AK8: variants seen among roughly 807,000 people sequenced by gnomAD.
AK8 encodes the protein adenylate kinase 8.
Under a neutral mutation model 54.6 loss-of-function variants are expected in AK8, and 44 were observed. The ratio of observed to expected loss-of-function variants is 0.81; its 90% CI spans 0.63 to 1.04. The LOEUF (loss-of-function observed/expected upper bound fraction) is 1.04, where lower values mean the gene tolerates loss of function less well. Among genes scored for constraint, AK8 ranks in the 50% least tolerant of loss-of-function variants. AK8 has a pLI of 0.00. For synonymous variants in AK8, 239 were observed against 245.6 expected, an observed-to-expected ratio of 0.97 and a Z score of 0.25; for missense variants, 555 against 613.6, an observed-to-expected ratio of 0.90 and a Z score of 1.01.
At chr9:132,727,336 G>T in intron 12 of AK8, 118 bp downstream of exon 12, 2 of 908,720 alleles carry the variant, frequency 2.2e-6, no homozygotes, top group Non-Finnish European at 3.6e-6. Context: ...TTTGATAATC[G>T]TCCTTCAGTG....
At position 132,791,065 on chromosome 9, in the gene AK8, G is replaced by A. The variant is rs74812408; in HGVS notation, c.1121+1569C>T. On this transcript the variant is annotated intron_variant, in intron 11 of 12. Coordinates refer to ENST00000298545, the MANE Select transcript of AK8 (RefSeq NM_152572.3). This position sits in a 1 kb window ranked among gnomAD's most constrained non-coding sequence, Gnocchi z 4.0. ...AAACTGTAACGGATTGTATTAGTCC[G>A]TTTCACACTGCTATAAACAACTACT... 3.7e-4 allele frequency among the ~76,000 whole-genome samples: 57 copies of A among 152,260 alleles called. No homozygotes were observed. Among genetic ancestry groups the A allele is most frequent in the East Asian group, 1.2e-3 (6 of 5,184 alleles).
At chr9:132,872,871 G>T (rs541321068) in intron 2 of AK8, among the ~76,000 whole-genome samples, 3 of 152,322 alleles carry the variant, frequency 2.0e-5, no homozygotes, top group African/African-American at 7.2e-5. Flanking sequence ...CAGTGCAGTG[G>T]CGTGATCTCT....
At chr9:132,841,893 T>C (rs757044290) in intron 5 of AK8, among the ~76,000 whole-genome samples, 2 of 152,058 alleles carry the variant, frequency 1.3e-5, no homozygotes, top group African/African-American at 4.8e-5. Context: ...TCTCCTGGCA[T>C]AGGAGATCAG....
intron 11 of AK8, among the ~76,000 whole-genome samples, chr9:132,767,651 C>T (rs962033539): frequency 2.0e-5 from 3 of 152,314 alleles, no homozygotes; most frequent in South Asian, 2.1e-4. Flanking sequence ...GAGATATCTG[C>T]ATGCCCATGT....
At chr9:132,750,004 T>TAGAGATACTGACAGCACACTCC (rs1554784804) in intron 11 of AK8, among the ~76,000 whole-genome samples, 1,593 of 150,818 alleles carry the variant, frequency 0.011, 24 homozygotes, top group East Asian at 0.031. Context: ...CAGCACACTC[T>TAGAGATACTGACAGCACACTCC]TGGAGATACT....
chr9:132,734,413 G>A (rs1477741799), intron 11 of AK8, among the ~76,000 whole-genome samples: 1 of 152,140 alleles, frequency 6.6e-6, no homozygotes, highest in Non-Finnish European at 1.5e-5. Flanking sequence ...TGGTATACTT[G>A]GTCCAGGGTG....
Position 132,837,152 on chromosome 9 carries a change from C to A in AK8, c.403-8426G>T, listed in dbSNP as rs1842360272. On this transcript the variant is annotated intron_variant, in intron 5 of 12. Coordinates refer to ENST00000298545, the MANE Select transcript of AK8 (RefSeq NM_152572.3). The surrounding 1 kb of genome is among the most constrained non-coding windows in gnomAD (Gnocchi z 4.3). Reference sequence around the variant, plus strand: ...TGGCCAACGTGGTGAAACCCCATCTCTACTAAATATACAAAAATTATCTGG... The same window carrying A: ...TGGCCAACGTGGTGAAACCCCATCTATACTAAATATACAAAAATTATCTGG... Among the ~76,000 whole-genome samples, 1 of 152,034 alleles carries A rather than the reference C, an allele frequency of 6.6e-6. No homozygotes were observed. Among genetic ancestry groups the A allele is most frequent in the South Asian group, 2.1e-4 (1 of 4,816 alleles).
chr9:132,847,337 C>T (rs1184261870), intron 5 of AK8, among the ~76,000 whole-genome samples: 15 of 152,310 alleles, frequency 9.8e-5, no homozygotes, highest in African/African-American at 2.6e-4. Context: ...CCGGGCCTTT[C>T]GTTTGGCAGG....
At chr9:132,878,521 C>G, upstream of AK8, 8 of 1,188,268 alleles carry the variant, frequency 6.7e-6, no homozygotes, top group Non-Finnish European at 8.3e-6. This position sits in a 1 kb window ranked among gnomAD's most constrained non-coding sequence, Gnocchi z 4.7. Flanking sequence ...CCAGCTGGGC[C>G]TCCTCGTATC....
At chr9:132,858,845 T>A (rs911422851) in intron 4 of AK8, among the ~76,000 whole-genome samples, 16 of 152,034 alleles carry the variant, frequency 1.1e-4, no homozygotes, top group Non-Finnish European at 2.4e-4. Context: ...GCAGACCTCA[T>A]AGCGTGGCAC....
At chr9:132,867,828 A>G (rs1309761502) in intron 2 of AK8, among the ~76,000 whole-genome samples, 3 of 152,228 alleles carry the variant, frequency 2.0e-5, no homozygotes, top group Non-Finnish European at 4.4e-5. Flanking sequence ...CTCTGGAAAC[A>G]AGGTGGCTTT....
At chr9:132,750,518 T>C (rs1003758051) in intron 11 of AK8, among the ~76,000 whole-genome samples, 2 of 151,940 alleles carry the variant, frequency 1.3e-5, no homozygotes, top group African/African-American at 4.8e-5. Flanking sequence ...TTCCAAGGAC[T>C]TCCCTGAATA....
intron 10 of AK8, among the ~76,000 whole-genome samples, chr9:132,809,716 T>C (rs1254945856): frequency 6.6e-6 from 1 of 152,190 alleles, no homozygotes; most frequent in Non-Finnish European, 1.5e-5. Flanking sequence ...CCTATCGGGT[T>C]CAGAACTCAG....
chr9:132,815,687 G>A (rs895398173), intron 9 of AK8, among the ~76,000 whole-genome samples: 1 of 152,256 alleles, frequency 6.6e-6, no homozygotes, highest in African/African-American at 2.4e-5. Flanking sequence ...CTCGAGCCCT[G>A]AGCTAGGGCC....
At chr9:132,836,208 G>A (rs964489852) in intron 5 of AK8, among the ~76,000 whole-genome samples, 25 of 152,218 alleles carry the variant, frequency 1.6e-4, no homozygotes, top group Non-Finnish European at 2.9e-5. Flanking sequence ...AGGATCACTT[G>A]AGTCCGGGAG....
chr9:132,772,736 C>T (rs766767395), intron 11 of AK8, among the ~76,000 whole-genome samples: 4 of 152,202 alleles, frequency 2.6e-5, no homozygotes, highest in Non-Finnish European at 4.4e-5. Context: ...ATCACAAGGC[C>T]AGTCCATTCT....
chr9:132,792,522 C>G, intron 11 of AK8, 112 bp downstream of exon 11: 10 of 1,391,958 alleles, frequency 7.2e-6, no homozygotes, highest in Non-Finnish European at 9.5e-6. Context: ...AGGAGACATT[C>G]CACTTCAGGA....
intron 10 of AK8, among the ~76,000 whole-genome samples, chr9:132,811,346 G>A (rs780933283): frequency 5.9e-5 from 9 of 152,218 alleles, no homozygotes; most frequent in Admixed American, 1.3e-4. Flanking sequence ...GGAGGTAAGA[G>A]GGTCAGAGTC....
chr9:132,776,536 G>A (rs1458586499), intron 11 of AK8, among the ~76,000 whole-genome samples: 1 of 152,224 alleles, frequency 6.6e-6, no homozygotes, highest in Non-Finnish European at 1.5e-5. Flanking sequence ...TGCTGTGGGG[G>A]CGGTGGATCC....
Sources: gnomAD v4.1 joint callset for allele counts (sites outside exome capture counted in the v4.1 genomes callset) on GRCh38, gnomAD v4.1.1 for gene constraint, Gnocchi (gnomAD v3.1) non-coding constraint, MANE v1.5 for transcripts, NCBI Gene and HGNC (gene_info 2026-07-23, HGNC 2026-07-21) for gene names.